The following MARK3 variants were observed in gnomAD, a reference collection of about 807,000 sequenced individuals.
The protein encoded by MARK3 is MAP/microtubule affinity-regulating kinase 3.
MARK3 carries 46 observed loss-of-function variants against 90.1 expected under a neutral mutation model. That is an observed-to-expected ratio of 0.51 (90% CI 0.40 to 0.65). MARK3 has a LOEUF of 0.65. MARK3 is among the 30% of genes least tolerant of loss of function. MARK3 has a pLI of 0.00. For missense variants in MARK3, 818 were observed against 947.2 expected (o/e 0.86, Z 1.79); for synonymous variants, 321 against 332.6 (o/e 0.97, Z 0.38).
intron 7 of MARK3, among the ~76,000 whole-genome samples, chr14:103,463,685 C>G (rs2093445513): frequency 6.6e-6 from 1 of 152,164 alleles, no homozygotes; most frequent in Admixed American, 6.6e-5. Flanking sequence ...ACACTACTTT[C>G]TTATATGTTC....
intron 3 of MARK3, among the ~76,000 whole-genome samples, chr14:103,445,156 A>G (rs1566855787): frequency 2.6e-5 from 4 of 152,266 alleles, no homozygotes; most frequent in African/African-American, 2.4e-5. Context: ...GCAACCCACA[A>G]TGAGAATCCT....
At chr14:103,426,650 A>G (rs2092413720) in intron 2 of MARK3, among the ~76,000 whole-genome samples, 1 of 152,066 alleles carries the variant, frequency 6.6e-6, no homozygotes, top group South Asian at 2.1e-4. Context: ...TTCTTTTTCC[A>G]TAGTCCATAG....
At chr14:103,430,890 G>T (rs143338680) in intron 3 of MARK3, among the ~76,000 whole-genome samples, 1 of 152,218 alleles carries the variant, frequency 6.6e-6, no homozygotes, top group East Asian at 1.9e-4. Flanking sequence ...TTTAAGAGAT[G>T]GGTCTTGCTC....
At chr14:103,439,253 A>T (rs1281439672) in intron 3 of MARK3, among the ~76,000 whole-genome samples, 1 of 152,142 alleles carries the variant, frequency 6.6e-6, no homozygotes, top group Non-Finnish European at 1.5e-5. Flanking sequence ...GCCCCTCCTC[A>T]ACCTGATTCC....
At chr14:103,493,109 C>T (rs2075098913) in intron 15 of MARK3, among the ~76,000 whole-genome samples, 1 of 152,148 alleles carries the variant, frequency 6.6e-6, no homozygotes, top group East Asian at 1.9e-4. Flanking sequence ...CCTATTACTT[C>T]ATTTCACTCC....
intron 1 of MARK3, chr14:103,386,433 A>G (rs1170306282): frequency 1.7e-6 from 1 of 582,738 alleles, no homozygotes; most frequent in Non-Finnish European, 3.2e-6. Flanking sequence ...TTTTAGCCGA[A>G]CTCTGCTTTT....
At chr14:103,449,518 A>G (rs1236845301) in intron 4 of MARK3, among the ~76,000 whole-genome samples, 2 of 152,034 alleles carry the variant, frequency 1.3e-5, no homozygotes, top group Admixed American at 1.3e-4. Flanking sequence ...GAAAATACTT[A>G]TTTGAAAGAT....
At chr14:103,437,744 A>G (rs1215597354) in intron 3 of MARK3, among the ~76,000 whole-genome samples, 1 of 152,234 alleles carries the variant, frequency 6.6e-6, no homozygotes, top group Non-Finnish European at 1.5e-5. Context: ...TGAGAGAATT[A>G]TAACAGTAAC....
intron 13 of MARK3, among the ~76,000 whole-genome samples, chr14:103,479,649 T>TTTTTTG (rs2093782314): frequency 6.8e-6 from 1 of 147,138 alleles, no homozygotes; most frequent in South Asian, 2.2e-4. Context: ...TTTTTTTTTT[T>TTTTTTG]GAGACTGAGT....
rs967043954 is a variant in MARK3 at position 103,421,876 on chromosome 14, G to A, written c.244-6511G>A. ...ATCTTTAACCAATGTCCTCATTATG[G>A]TTATGAAAATAACTTTTCATGTAAT... is the stretch of plus-strand genomic sequence containing the variant. On this transcript the variant is annotated intron_variant, in intron 2 of 17. Coordinates refer to ENST00000429436, the MANE Select transcript of MARK3 (RefSeq NM_001128918.3). Among the ~76,000 whole-genome samples the A allele has an allele frequency of 2.0e-5, 3 of 152,006 alleles. No homozygotes were observed. The South Asian group carries it at 6.2e-4, about 32-fold the overall frequency.
intron 1 of MARK3, among the ~76,000 whole-genome samples, chr14:103,388,179 C>T (rs977594911): frequency 2.0e-5 from 3 of 152,254 alleles, no homozygotes; most frequent in East Asian, 3.9e-4. Context: ...GATCCTCCCG[C>T]GTCAGCCTCC....
At chr14:103,413,429 C>G (rs1159547434) in intron 2 of MARK3, among the ~76,000 whole-genome samples, 4 of 131,736 alleles carry the variant, frequency 3.0e-5, no homozygotes, top group African/African-American at 1.1e-4. Context: ...TAATAGCATG[C>G]TTTTTTTTTT....
At chr14:103,401,680 A>G (rs1334597028) in intron 1 of MARK3, among the ~76,000 whole-genome samples, 11 of 152,192 alleles carry the variant, frequency 7.2e-5, no homozygotes, top group Admixed American at 6.6e-4. Context: ...ATGGCTGTCT[A>G]TGCCTAACCT....
intron 7 of MARK3, among the ~76,000 whole-genome samples, chr14:103,464,503 T>G (rs1393040788): frequency 1.3e-5 from 2 of 151,616 alleles, no homozygotes; most frequent in Non-Finnish European, 2.9e-5. Flanking sequence ...CTTCACCATG[T>G]TGGCCAGACT....
At chr14:103,404,726 C>T (rs905298463) in intron 1 of MARK3, among the ~76,000 whole-genome samples, 7 of 152,096 alleles carry the variant, frequency 4.6e-5, no homozygotes, top group South Asian at 2.1e-4. Context: ...CCCTGCTGCA[C>T]GGGCTGTAGT....
In MARK3 at chr14:103,470,453, C is replaced by CTTTTTTTTTTTTT. The variant is rs1555396272; in HGVS notation, c.1264+2268_1264+2269insTTTTTTTTTTTTT. ...CTATTCCAGGATTCAGGAACTAAAT[C>CTTTTTTTTTTTTT]TATTTTTTTTTTTTTTTTTGAGATG... On this transcript the variant is annotated intron_variant, in intron 12 of 17. Coordinates refer to ENST00000429436, the MANE Select transcript of MARK3 (RefSeq NM_001128918.3). Among the ~76,000 whole-genome samples, 207 of 23,924 alleles carry CTTTTTTTTTTTTT rather than the reference C, an allele frequency of 8.7e-3. 1 individual carries two copies. The highest frequency in any genetic ancestry group is 0.017 in the South Asian group (5 of 296). The allele number at this position is 23,924 out of a possible 152,430, so 15.7% of individuals were successfully genotyped here. A position where few individuals can be genotyped will look rare whatever the true frequency, so the allele number is the denominator to read the frequency against.
chr14:103,461,500 G>T (rs1440938562), intron 6 of MARK3, among the ~76,000 whole-genome samples: 1 of 152,220 alleles, frequency 6.6e-6, no homozygotes, highest in Admixed American at 6.5e-5. Flanking sequence ...GCACGTAGTA[G>T]TTTTCATAGT....
intron 1 of MARK3, among the ~76,000 whole-genome samples, chr14:103,398,292 A>G (rs2090718272): frequency 6.6e-6 from 1 of 152,212 alleles, no homozygotes; most frequent in Non-Finnish European, 1.5e-5. Context: ...GCTTCCATCA[A>G]TAGTGCACCA....
At chr14:103,451,846 A>T in intron 4 of MARK3, 72 bp from the exon 5 acceptor site, 1 of 1,008,264 alleles carries the variant, frequency 9.9e-7, no homozygotes, top group South Asian at 1.7e-5. Flanking sequence ...TCATAGTTAG[A>T]GTTTATATGT....
Sources: allele counts gnomAD v4.1 joint callset (sites outside exome capture counted in the v4.1 genomes callset), GRCh38; gene constraint gnomAD v4.1.1; transcripts MANE v1.5; gene names NCBI Gene and HGNC (gene_info 2026-07-23, HGNC 2026-07-21).